Variants in ALK observed in about 807,000 individuals in gnomAD.
ALK encodes the protein ALK tyrosine kinase receptor.
A neutral mutation model predicts 163.1 loss-of-function variants in ALK; 74 were observed. That is an observed-to-expected ratio of 0.45 (90% CI 0.38 to 0.55). ALK has a LOEUF of 0.55. Among genes scored for constraint, ALK ranks in the 20% least tolerant of loss-of-function variants. The probability of loss-of-function intolerance (pLI) is 0.00; values close to 1 mark genes in which losing one functional copy is unlikely to be tolerated. For missense variants in ALK, 2,063 were observed against 2,105.3 expected, an observed-to-expected ratio of 0.98 and a Z score of 0.39; for synonymous variants, 960 against 843.2, an observed-to-expected ratio of 1.14 and a Z score of -2.40.
intron 3 of ALK, among the ~76,000 whole-genome samples, chr2:29,542,288 A>G (rs964008664): frequency 1.7e-4 from 26 of 152,094 alleles, no homozygotes; most frequent in East Asian, 1.2e-3. Context: ...CTTCTTTACC[A>G]TATCACTAAC....
chr2:29,781,538 A>G (rs1681330980), intron 1 of ALK, among the ~76,000 whole-genome samples: 1 of 152,240 alleles, frequency 6.6e-6, no homozygotes, highest in African/African-American at 2.4e-5. Context: ...TCACCTGCAA[A>G]GTGACATCAA....
intron 3 of ALK, among the ~76,000 whole-genome samples, chr2:29,592,257 C>T (rs910656234): frequency 5.3e-5 from 8 of 152,146 alleles, no homozygotes; most frequent in African/African-American, 1.7e-4. Context: ...CAGGCCCACC[C>T]TAGCCTGAGA....
intron 1 of ALK, among the ~76,000 whole-genome samples, chr2:29,740,401 G>A (rs1680019778): frequency 6.6e-6 from 1 of 151,176 alleles, no homozygotes; most frequent in South Asian, 2.1e-4. Flanking sequence ...AGGGTGGTTA[G>A]AAAGACAGAC....
chr2:29,650,164 T>C (rs1244388220), intron 3 of ALK, among the ~76,000 whole-genome samples: 1 of 152,134 alleles, frequency 6.6e-6, no homozygotes, highest in East Asian at 1.9e-4. Context: ...ATATACAAAA[T>C]AGATTCTCTA....
At chr2:29,867,042 T>A (rs547706659) in intron 1 of ALK, among the ~76,000 whole-genome samples, 1 of 152,300 alleles carries the variant, frequency 6.6e-6, no homozygotes, top group African/African-American at 2.4e-5. Flanking sequence ...TGGCCCTGGA[T>A]GCCAACTTCT....
chr2:29,251,259 G>T lies in ALK; in HGVS notation c.2050C>A (p.Leu684Met), dbSNP rs1664810025. The change falls in exon 12 of 29, where the codon CTG becomes ATG. Residue 684 changes from leucine to methionine, a missense_variant. This residue lies in a region of ALK where 987 missense variants were observed against 939.5 expected (regional missense o/e 1.05). Coordinates refer to ENST00000389048, the MANE Select transcript of ALK (RefSeq NM_004304.5). ...TPIFDPTVHW[L>M]FTTCGASGPH... Reference sequence around the variant, plus strand: ...CCGCTGGCCCCACATGTGGTGAACAGCCAATGAACTGTGGCACAAGAGGAG... The same window carrying T: ...CCGCTGGCCCCACATGTGGTGAACATCCAATGAACTGTGGCACAAGAGGAG... 6.2e-7 allele frequency: 1 copy of T among 1,613,552 alleles called. No homozygotes were observed. The highest frequency in any genetic ancestry group is 8.5e-7 in the Non-Finnish European group (1 of 1,179,850).
intron 1 of ALK, among the ~76,000 whole-genome samples, chr2:29,900,995 GAGCAAGCAAGCAAGCA>G (rs58490938): frequency 1.6e-4 from 24 of 148,600 alleles, no homozygotes; most frequent in Admixed American, 3.4e-4. Flanking sequence ...GAGAGAGAGA[GAGCAAGCAAGCAAGCA>G]AGCAAGCAAG....
At position 29,222,326 on chromosome 2, in the gene ALK, GTC is replaced by G. The variant is rs1669825028; in HGVS notation, c.3515+16_3515+17del. 1.9e-6 allele frequency: 3 copies of G among 1,613,114 alleles called. No individual in the cohort carries two copies. Among genetic ancestry groups the G allele is most frequent in the Non-Finnish European group, 2.5e-6 (3 of 1,179,236 alleles). Reference sequence around the variant, plus strand: ...GGCAGAGGGGAGTTGGGGTGAGGGTGTCTCTCTGTGGCTTTACCTGATGATCA... The same window carrying G: ...GGCAGAGGGGAGTTGGGGTGAGGGTGTCTCTGTGGCTTTACCTGATGATCA... On this transcript the variant is annotated intron_variant, in intron 22 of 28. Transcript: ENST00000389048.
At chr2:29,316,748 G>A (rs1666846090) in intron 8 of ALK, among the ~76,000 whole-genome samples, 1 of 152,176 alleles carries the variant, frequency 6.6e-6, no homozygotes. Context: ...GCATGAGATA[G>A]CATGGTTTCT....
intron 3 of ALK, among the ~76,000 whole-genome samples, chr2:29,693,294 G>T (rs558103767): frequency 6.6e-6 from 1 of 152,024 alleles, no homozygotes; most frequent in South Asian, 2.1e-4. Flanking sequence ...CAGACACGTA[G>T]TCTCCATCTC....
chr2:29,210,615 G>C (rs946022263), intron 24 of ALK, among the ~76,000 whole-genome samples: 1 of 152,074 alleles, frequency 6.6e-6, no homozygotes, highest in African/African-American at 2.4e-5. Flanking sequence ...TGTATTTTTA[G>C]TAGAGACAGG....
intron 14 of ALK, among the ~76,000 whole-genome samples, chr2:29,233,063 TAAGAG>T (rs1664262795): frequency 1.3e-5 from 2 of 152,204 alleles, no homozygotes; most frequent in African/African-American, 4.8e-5. Context: ...GATGTATCAG[TAAGAG>T]AAGAGTTCTA....
chr2:29,504,257 G>T (rs146431371), intron 4 of ALK, among the ~76,000 whole-genome samples: 2 of 152,228 alleles, frequency 1.3e-5, no homozygotes, highest in Non-Finnish European at 2.9e-5. Context: ...CCAGTGTGGG[G>T]ACGCTGTGTG....
At chr2:29,328,705 T>C (rs1371401478) in intron 5 of ALK, among the ~76,000 whole-genome samples, 1 of 152,176 alleles carries the variant, frequency 6.6e-6, no homozygotes, top group Non-Finnish European at 1.5e-5. Flanking sequence ...CATGGCCTGC[T>C]GGGGTATCTC....
At chr2:29,883,113 G>A (rs976853538) in intron 1 of ALK, among the ~76,000 whole-genome samples, 2 of 151,728 alleles carry the variant, frequency 1.3e-5, no homozygotes, top group Non-Finnish European at 2.9e-5. Flanking sequence ...AGGAAGAAAG[G>A]AAGGGAAGGG....
chr2:29,634,106 G>A (rs143613165), intron 3 of ALK, among the ~76,000 whole-genome samples: 153 of 133,544 alleles, frequency 1.1e-3, no homozygotes, highest in African/African-American at 3.9e-3. Flanking sequence ...ATGAAAGGAT[G>A]ACTGGTGCAC....
intron 4 of ALK, among the ~76,000 whole-genome samples, chr2:29,432,948 G>C (rs1670308634): frequency 6.6e-6 from 1 of 152,008 alleles, no homozygotes; most frequent in Non-Finnish European, 1.5e-5. Context: ...TCATTTCCCT[G>C]CTCTGGGTTT....
At chr2:29,260,327 C>T (rs1413630815) in intron 11 of ALK, among the ~76,000 whole-genome samples, 2 of 152,178 alleles carry the variant, frequency 1.3e-5, no homozygotes, top group East Asian at 3.8e-4. Context: ...CCAATAAGCA[C>T]GTCTTTCTGG....
intron 4 of ALK, among the ~76,000 whole-genome samples, chr2:29,509,805 TAAAGGTAGGGTTGGGGAG>T (rs1445841038): frequency 6.6e-6 from 1 of 152,056 alleles, no homozygotes; most frequent in East Asian, 1.9e-4. Context: ...CCAGAAAGAA[TAAAGGTAGGGTTGGGGAG>T]AAGCATTTAA....
Sources: allele counts gnomAD v4.1 joint callset (sites outside exome capture counted in the v4.1 genomes callset), GRCh38; gene constraint gnomAD v4.1.1; regional missense constraint gnomAD v4.1.1; transcripts MANE v1.5; gene names NCBI Gene and HGNC (gene_info 2026-07-23, HGNC 2026-07-21).